SEPTIN14: variants seen among roughly 807,000 people sequenced by gnomAD.
SEPTIN14 encodes septin-14.
Under a neutral mutation model 53.6 loss-of-function variants are expected in SEPTIN14, and 40 were observed. The observed-to-expected ratio is 0.75, with a 90% CI of 0.58 to 0.97. SEPTIN14 has a LOEUF of 0.97. Among genes scored for constraint, SEPTIN14 ranks in the 50% least tolerant of loss-of-function variants. The pLI, the probability that SEPTIN14 is intolerant of heterozygous loss-of-function variation, is 0.00. For synonymous variants in SEPTIN14, 138 were observed against 166.8 expected (o/e 0.83, Z 1.33); for missense variants, 471 against 508.2 (o/e 0.93, Z 0.70).
At chr7:55,852,443 G>C (rs1468775342) in intron 2 of SEPTIN14, among the ~76,000 whole-genome samples, 2 of 152,082 alleles carry the variant, frequency 1.3e-5, no homozygotes, top group Admixed American at 1.3e-4. Flanking sequence ...GGGGAAAGAA[G>C]AGTCTCTTCA....
rs897025096 is a variant in SEPTIN14 at position 55,846,006 on chromosome 7, A to G, written c.175+511T>C. On this transcript the variant is annotated intron_variant, in intron 3 of 9. Transcript: ENST00000388975. ...GGAGCTTGCAGTGAACCGAGATTGC[A>G]CCACTGCACTCCAGCATGGGCAACA... 2.8e-3 allele frequency among the ~76,000 whole-genome samples: 385 copies of G among 139,896 alleles called. 5 individuals carry two copies. Among genetic ancestry groups the G allele is most frequent in the Middle Eastern group, 0.011 (3 of 266 alleles). The allele number at this position is 139,896 out of a possible 152,430, so 91.8% of individuals were successfully genotyped here.
chr7:55,835,536 G>A (rs1789190948), intron 5 of SEPTIN14, among the ~76,000 whole-genome samples: 1 of 152,022 alleles, frequency 6.6e-6, no homozygotes, highest in Non-Finnish European at 1.5e-5. Context: ...TTCTTATTAA[G>A]CTGAGTGATA....
intron 9 of SEPTIN14, among the ~76,000 whole-genome samples, chr7:55,802,827 G>C (rs34286115): frequency 6.6e-6 from 1 of 151,238 alleles, no homozygotes; most frequent in Non-Finnish European, 1.5e-5. Context: ...TGAAATGTGA[G>C]AAAATATTTG....
intron 8 of SEPTIN14, among the ~76,000 whole-genome samples, chr7:55,805,993 G>A (rs903846169): frequency 3.9e-5 from 6 of 151,972 alleles, no homozygotes; most frequent in South Asian, 2.1e-4. Context: ...TGCAACACAA[G>A]TCCTATTCTT....
At chr7:55,838,571 TTCTC>T (rs1357869179) in intron 5 of SEPTIN14, among the ~76,000 whole-genome samples, 1 of 132,324 alleles carries the variant, frequency 7.6e-6, no homozygotes, top group African/African-American at 2.8e-5. Context: ...CTTTCTCTCT[TTCTC>T]TCTTTCGCTC....
chr7:55,856,470 C>A (rs1789627854), intron 2 of SEPTIN14, among the ~76,000 whole-genome samples: 1 of 151,824 alleles, frequency 6.6e-6, no homozygotes, highest in South Asian at 2.1e-4. Context: ...CAGCTCACTG[C>A]AATCTCCGCC....
In SEPTIN14 at chr7:55,794,565, T is replaced by C. The variant is rs1414862758; in HGVS notation, c.*1348A>G. ...TTCTTGTAGAGTTTCCATTAAAAGA[T>C]CATTTAGTAAAATTTTTCTTCCCCC... On this transcript the variant is annotated 3_prime_UTR_variant, in exon 10 of 10. Transcript: ENST00000388975. 1.3e-5 allele frequency: 2 copies of C among 152,180 alleles called. No individual in the cohort carries two copies. The highest frequency in any genetic ancestry group is 2.9e-5 in the Non-Finnish European group (2 of 68,034). 9.4% of individuals were successfully genotyped at this position (152,180 alleles called of 1,614,324 possible).
In SEPTIN14 at chr7:55,846,606, G is replaced by A. The variant is rs369566641; in HGVS notation, c.86C>T (p.Thr29Met). 63 of 1,491,158 alleles carry A rather than the reference G, an allele frequency of 4.2e-5. No homozygotes were observed. In the African/African-American group the frequency reaches 6.6e-4, roughly 16 times the overall value. The allele number at this position is 1,491,158 out of a possible 1,614,324, so 92.4% of individuals were successfully genotyped here. ...QKENNIRCLT[T>M]IGHFGFECLP... The stretch of plus-strand genomic sequence containing the variant: ...ACATTCAAAACCAAAATGTCCAATC[G>A]TAGTTAAACAACGAATATTATTTTC... The change falls in exon 3 of 10, where the codon ACG (threonine) becomes ATG (methionine). Residue 29 changes from threonine to methionine, a missense_variant. Transcript: ENST00000388975.
intron 2 of SEPTIN14, among the ~76,000 whole-genome samples, chr7:55,848,186 T>C (rs919034186): frequency 6.6e-6 from 1 of 152,128 alleles, no homozygotes; most frequent in African/African-American, 2.4e-5. Context: ...AACAAGAACA[T>C]GCTAATCGGC....
chr7:55,854,693 G>A (rs1165502234), intron 2 of SEPTIN14, among the ~76,000 whole-genome samples: 1 of 152,132 alleles, frequency 6.6e-6, no homozygotes, highest in Non-Finnish European at 1.5e-5. Context: ...CTCCCAAAGT[G>A]CTGGGATTAC....
At chr7:55,827,348 G>A (rs1789006761) in intron 6 of SEPTIN14, among the ~76,000 whole-genome samples, 1 of 152,198 alleles carries the variant, frequency 6.6e-6, no homozygotes, top group Non-Finnish European at 1.5e-5. Flanking sequence ...GTCCTACCCT[G>A]AGGTTGCTCC....
At chr7:55,848,491 C>T (rs188674607) in intron 2 of SEPTIN14, among the ~76,000 whole-genome samples, 2 of 151,514 alleles carry the variant, frequency 1.3e-5, no homozygotes, top group Admixed American at 1.3e-4. Flanking sequence ...GAGACGGGGT[C>T]GCACCATGTT....
At chr7:55,829,825 A>AAAT (rs1789064035) in intron 6 of SEPTIN14, among the ~76,000 whole-genome samples, 1 of 142,044 alleles carries the variant, frequency 7.0e-6, no homozygotes. Flanking sequence ...CATCTCAAAA[A>AAAT]AAAAAAAAAA....
chr7:55,826,901 G>T (rs959530295), intron 6 of SEPTIN14, among the ~76,000 whole-genome samples: 6 of 151,938 alleles, frequency 3.9e-5, no homozygotes, highest in Non-Finnish European at 5.9e-5. Flanking sequence ...CTTGCAGTCT[G>T]CCCTGGCACT....
In SEPTIN14 at chr7:55,851,881, G is replaced by A. The variant is rs1424744866; in HGVS notation, c.55-5244C>T. On this transcript the variant is annotated intron_variant, in intron 2 of 9. Coordinates refer to ENST00000388975, the MANE Select transcript of SEPTIN14 (RefSeq NM_207366.3). Reference sequence around the variant, plus strand: ...AAAGAGGCTGGGCGCAGTGGCTCACGCCTGTAATCCCAGCACTTTGGGAGG... The same window carrying A: ...AAAGAGGCTGGGCGCAGTGGCTCACACCTGTAATCCCAGCACTTTGGGAGG... 1.3e-4 allele frequency among the ~76,000 whole-genome samples: 19 copies of A among 151,528 alleles called. No homozygotes were observed. In the East Asian group the frequency reaches 2.9e-3, roughly 23 times the overall value.
At chr7:55,842,294 C>G (rs1789325946) in intron 5 of SEPTIN14, among the ~76,000 whole-genome samples, 1 of 151,980 alleles carries the variant, frequency 6.6e-6, no homozygotes, top group Admixed American at 6.6e-5. Flanking sequence ...CTTATTATCT[C>G]AAAATTAATA....
chr7:55,819,725 A>G (rs1206983639), intron 6 of SEPTIN14, among the ~76,000 whole-genome samples: 1 of 124,992 alleles, frequency 8.0e-6, no homozygotes, highest in Non-Finnish European at 1.6e-5. Flanking sequence ...TGTGCACACA[A>G]TTGGAAACTG....
At chr7:55,805,139 C>T (rs1173292747) in intron 9 of SEPTIN14, 119 bp downstream of exon 9, 1 of 901,232 alleles carries the variant, frequency 1.1e-6, no homozygotes, top group African/African-American at 1.7e-5. Context: ...TAAAAAGCTA[C>T]TTTTTGAAAA....
At chr7:55,806,296 C>T (rs1237439331) in intron 8 of SEPTIN14, among the ~76,000 whole-genome samples, 1 of 151,900 alleles carries the variant, frequency 6.6e-6, no homozygotes, top group Non-Finnish European at 1.5e-5. Flanking sequence ...CCACTGCACC[C>T]GGCTCTATTC....
Sources: allele counts gnomAD v4.1 joint callset (sites outside exome capture counted in the v4.1 genomes callset), GRCh38; gene constraint gnomAD v4.1.1; transcripts MANE v1.5; gene names NCBI Gene and HGNC (gene_info 2026-07-23, HGNC 2026-07-21).